Variants in NTRK3 observed in about 807,000 individuals in gnomAD.
NTRK3 encodes NT-3 growth factor receptor.
A neutral mutation model predicts 91.7 loss-of-function variants in NTRK3; 24 were observed. That is an observed-to-expected ratio of 0.26 (90% CI 0.19 to 0.37). The LOEUF (loss-of-function observed/expected upper bound fraction) is 0.37. NTRK3 is among the 10% of genes least tolerant of loss of function. The probability of loss-of-function intolerance (pLI) is 1.00; values close to 1 mark genes in which losing one functional copy is unlikely to be tolerated. For synonymous variants in NTRK3, 483 were observed against 404.0 expected, an observed-to-expected ratio of 1.20 and a Z score of -2.34; for missense variants, 880 against 1,068.9, an observed-to-expected ratio of 0.82 and a Z score of 2.46.
intron 16 of NTRK3, among the ~76,000 whole-genome samples, chr15:87,931,595 C>T (rs2068802286): frequency 6.6e-6 from 1 of 152,100 alleles, no homozygotes; most frequent in African/African-American, 2.4e-5. Flanking sequence ...AAGATATGAA[C>T]CCAAATCTGT....
intron 10 of NTRK3, chr15:88,132,069 G>A (rs191623431): frequency 1.1e-3 from 217 of 190,522 alleles, no homozygotes; most frequent in African/African-American, 4.8e-3. Context: ...TAAGGTAAAA[G>A]CAGGAAGGTG....
exon 19 of NTRK3, chr15:87,866,664 T>C (rs1249222163): frequency 1.6e-5 from 3 of 189,848 alleles, no homozygotes; most frequent in African/African-American, 4.7e-5. Flanking sequence ...GGGGAATAGA[T>C]GGTTTGGTCT....
intron 14 of NTRK3, among the ~76,000 whole-genome samples, chr15:88,029,598 T>C (rs2078349209): frequency 6.6e-6 from 1 of 152,210 alleles, no homozygotes; most frequent in Non-Finnish European, 1.5e-5. Flanking sequence ...CATTTTTAAA[T>C]GGGACAAAGA....
intron 14 of NTRK3, among the ~76,000 whole-genome samples, chr15:87,954,682 G>C (rs1467172412): frequency 6.6e-6 from 1 of 152,202 alleles, no homozygotes; most frequent in Non-Finnish European, 1.5e-5. Flanking sequence ...AGCTGGCCAG[G>C]GTTTGGGAAA....
intron 17 of NTRK3, among the ~76,000 whole-genome samples, chr15:87,919,842 G>T (rs1020844736): frequency 6.6e-6 from 1 of 152,142 alleles, no homozygotes; most frequent in Admixed American, 6.5e-5. Context: ...AGGAAAAAAC[G>T]GGGCTGAGAT....
intron 13 of NTRK3, among the ~76,000 whole-genome samples, chr15:88,059,325 G>A (rs1381816782): frequency 1.3e-5 from 2 of 152,160 alleles, no homozygotes; most frequent in Non-Finnish European, 2.9e-5. Context: ...TGGGAGACAA[G>A]AGTCCAGAAC....
At chr15:87,947,719 G>A (rs909422103) in intron 14 of NTRK3, among the ~76,000 whole-genome samples, 10 of 152,142 alleles carry the variant, frequency 6.6e-5, no homozygotes, top group Admixed American at 1.3e-4. Context: ...ACAGGGAGAG[G>A]AAGGGAGGAT....
intron 14 of NTRK3, among the ~76,000 whole-genome samples, chr15:87,945,935 C>T (rs1596349578): frequency 6.6e-6 from 1 of 151,910 alleles, no homozygotes; most frequent in South Asian, 2.1e-4. Context: ...GTTGACTTGG[C>T]AGAACTGTTC....
At chr15:87,877,162 A>C in intron 18 of NTRK3, 42 bp from the exon 20 acceptor site, 154 of 1,601,850 alleles carry the variant, frequency 9.6e-5, no homozygotes, top group Non-Finnish European at 1.2e-4. Context: ...CCCAAAGCTC[A>C]GCCTTGGTCC....
intron 3 of NTRK3, among the ~76,000 whole-genome samples, chr15:88,212,407 A>C (rs1172385537): frequency 1.3e-5 from 2 of 152,106 alleles, no homozygotes; most frequent in African/African-American, 4.8e-5. Context: ...CTAACAGTTC[A>C]TTTCTTCAGC....
intron 13 of NTRK3, among the ~76,000 whole-genome samples, chr15:88,096,837 A>G (rs890999949): frequency 1.3e-5 from 2 of 152,110 alleles, no homozygotes; most frequent in South Asian, 2.1e-4. Context: ...TGACTTTATC[A>G]TCTCCCTTTC....
intron 17 of NTRK3, among the ~76,000 whole-genome samples, chr15:87,888,232 A>G (rs1460206435): frequency 1.3e-5 from 2 of 152,130 alleles, no homozygotes; most frequent in African/African-American, 4.8e-5. Flanking sequence ...AAAGAATGCA[A>G]TCCTGGTTGC....
At chr15:88,168,664 A>G (rs16941361) in intron 5 of NTRK3, among the ~76,000 whole-genome samples, 2,501 of 152,314 alleles carry the variant, frequency 0.016, 57 homozygotes, top group African/African-American at 0.057. Context: ...TGAGCTGCCC[A>G]CCTCAGGGAC....
chr15:88,046,942 T>C (rs1332158095), intron 13 of NTRK3, among the ~76,000 whole-genome samples: 1 of 152,212 alleles, frequency 6.6e-6, no homozygotes, highest in Non-Finnish European at 1.5e-5. Context: ...CTGTGATCTC[T>C]TCCCTTGTAC....
At chr15:88,224,632 T>C (rs2050523865) in intron 3 of NTRK3, among the ~76,000 whole-genome samples, 1 of 152,210 alleles carries the variant, frequency 6.6e-6, no homozygotes, top group Admixed American at 6.5e-5. Flanking sequence ...AGTCATCAGG[T>C]TCTATCACGA....
chr15:87,875,423 C>A (rs575493359), exon 19 of NTRK3: 3 of 231,950 alleles, frequency 1.3e-5, no homozygotes, highest in Middle Eastern at 1.3e-3. Context: ...TTCCCCAGTG[C>A]TGGGGCAGAG....
chr15:87,916,694 TC>T, intron 17 of NTRK3: 2 of 649,420 alleles, frequency 3.1e-6, no homozygotes, highest in Non-Finnish European at 5.5e-6. Flanking sequence ...ATATTTTTAT[TC>T]CACTGGTTTC....
chr15:88,068,137 T>C (rs965195768), intron 13 of NTRK3, among the ~76,000 whole-genome samples: 1 of 152,130 alleles, frequency 6.6e-6, no homozygotes, highest in Non-Finnish European at 1.5e-5. Flanking sequence ...TACAGAACAC[T>C]ATTAAGGTTT....
chr15:88,171,782 G>C (rs931451016), intron 5 of NTRK3, among the ~76,000 whole-genome samples: 12 of 152,238 alleles, frequency 7.9e-5, no homozygotes, highest in Admixed American at 7.2e-4. Context: ...CCTTCAAAGT[G>C]TGTGGTGTTT....
Sources: allele counts gnomAD v4.1 joint callset (sites outside exome capture counted in the v4.1 genomes callset), GRCh38; gene constraint gnomAD v4.1.1; transcripts MANE v1.5; gene names NCBI Gene and HGNC (gene_info 2026-07-23, HGNC 2026-07-21).